The following CCR3 variants were observed in gnomAD, a reference collection of about 807,000 sequenced individuals.
CCR3 encodes the protein C-C chemokine receptor type 3.
For missense variants in CCR3, 419 were observed against 437.5 expected (o/e 0.96, Z 0.38); for synonymous variants, 203 against 179.2 (o/e 1.13, Z -1.06).
intron 2 of CCR3, among the ~76,000 whole-genome samples, chr3:46,225,241 G>A (rs907577233): frequency 2.0e-5 from 3 of 152,174 alleles, no homozygotes; most frequent in Non-Finnish European, 4.4e-5. Context: ...GAAGTGCTAG[G>A]GAACATTCTG....
At chr3:46,233,811 T>C (rs1359935204) in intron 2 of CCR3, among the ~76,000 whole-genome samples, 2 of 152,224 alleles carry the variant, frequency 1.3e-5, no homozygotes, top group African/African-American at 4.8e-5. Flanking sequence ...AACAGGCAAC[T>C]CTTCTTCAGA....
chr3:46,246,782 G>C (rs984402493), intron 1 of CCR3, among the ~76,000 whole-genome samples: 7 of 152,026 alleles, frequency 4.6e-5, no homozygotes, highest in African/African-American at 1.7e-4. Flanking sequence ...GAAGTGTTGG[G>C]GTGGCGAAAA....
chr3:46,238,372 C>CT (rs896407005), upstream of CCR3, among the ~76,000 whole-genome samples: 62 of 151,450 alleles, frequency 4.1e-4, no homozygotes, highest in African/African-American at 1.3e-3. Context: ...GCCATCTATA[C>CT]TTTTTTTTTA....
At chr3:46,247,167 G>A (rs995523907) in intron 1 of CCR3, among the ~76,000 whole-genome samples, 5 of 152,072 alleles carry the variant, frequency 3.3e-5, no homozygotes, top group Admixed American at 6.5e-5. Flanking sequence ...GGGATAGCAC[G>A]AGGAGATATC....
upstream of CCR3, among the ~76,000 whole-genome samples, chr3:46,237,739 CTG>C (rs1700038999): frequency 6.6e-6 from 1 of 152,178 alleles, no homozygotes; most frequent in Admixed American, 6.5e-5. Context: ...TTGGCTGTAA[CTG>C]TGTGAATTAT....
At chr3:46,231,410 C>A (rs370864654) in intron 2 of CCR3, among the ~76,000 whole-genome samples, 3 of 152,226 alleles carry the variant, frequency 2.0e-5, no homozygotes, top group East Asian at 3.8e-4. Context: ...GAGATTACAT[C>A]TTCCCACAAT....
intron 1 of CCR3, among the ~76,000 whole-genome samples, chr3:46,260,413 T>A (rs1412063500): frequency 6.6e-6 from 1 of 152,202 alleles, no homozygotes; most frequent in Non-Finnish European, 1.5e-5. Context: ...TATGAACTTG[T>A]AAAATCAAAA....
Position 46,265,189 on chromosome 3 carries a change from T to G in CCR3, c.31T>G (p.Phe11Val). The G allele has an allele frequency of 6.2e-7, 1 of 1,613,820 alleles. No individual in the cohort carries two copies. Among genetic ancestry groups the G allele is most frequent in the Non-Finnish European group, 8.5e-7 (1 of 1,179,798 alleles). Residue 11 changes from phenylalanine (F) to valine (V), a missense_variant, in exon 2 of 2, where the codon TTT becomes GTT. By Grantham distance (50) the Phe-to-Val change is conservative. Coordinates refer to ENST00000395940, the MANE Select transcript of CCR3 (RefSeq NM_178329.3). MTTSLDTVET[F>V]GTTSYYDDVG... ...AACCTCACTAGATACAGTTGAGACC[T>G]TTGGTACCACATCCTACTATGATGA...
chr3:46,239,647 G>A (rs1322696065), upstream of CCR3, among the ~76,000 whole-genome samples: 1 of 152,204 alleles, frequency 6.6e-6, no homozygotes, highest in Admixed American at 6.5e-5. Context: ...TTAGTCATGT[G>A]TGAGCTTGGA....
At chr3:46,223,041 T>G (rs1047484171) in intron 2 of CCR3, among the ~76,000 whole-genome samples, 1 of 152,192 alleles carries the variant, frequency 6.6e-6, no homozygotes, top group Non-Finnish European at 1.5e-5. Flanking sequence ...ACACTTACAG[T>G]CTTGCATGCC....
chr3:46,233,307 C>T (rs1699987285), intron 2 of CCR3, among the ~76,000 whole-genome samples: 1 of 152,244 alleles, frequency 6.6e-6, no homozygotes, highest in Admixed American at 6.5e-5. Flanking sequence ...CCCCACATTT[C>T]TGGCCCTGGT....
intron 1 of CCR3, among the ~76,000 whole-genome samples, chr3:46,246,879 T>A (rs13081325): frequency 6.6e-6 from 1 of 151,112 alleles, no homozygotes; most frequent in Admixed American, 6.6e-5. Flanking sequence ...GAACCTAGAG[T>A]GGGAGAGATT....
intron 1 of CCR3, among the ~76,000 whole-genome samples, chr3:46,257,127 T>C (rs1258018290): frequency 2.0e-5 from 3 of 152,316 alleles, no homozygotes; most frequent in East Asian, 1.9e-4. Flanking sequence ...GCATAGTGAA[T>C]TGGCACTAGG....
rs777468621 is a variant in CCR3 at position 46,265,721 on chromosome 3, C to G, written c.563C>G (p.Pro188Arg). ...FEETLCSALY[P>R]EDTVYSWRHF... is the part of the protein sequence containing the mutation. ...GAGACTCTTTGCAGTGCTCTTTACC[C>G]AGAGGATACAGTATATAGCTGGAGG... The change falls in exon 2 of 2, where the codon CCA becomes CGA. Residue 188 changes from proline (P) to arginine (R), a missense_variant. Transcript: ENST00000395940. 1.9e-6 allele frequency: 3 copies of G among 1,613,802 alleles called. No individual in the cohort carries two copies. Among genetic ancestry groups the G allele is most frequent in the Non-Finnish European group, 2.5e-6 (3 of 1,179,978 alleles).
chr3:46,265,287 G>C lies in CCR3; in HGVS notation c.129G>C (p.Leu43=). ...MAQFVPPLYS[L]VFTVGLLGNV... Reference sequence around the variant, plus strand: ...AGTTTGTGCCCCCGCTGTACTCCCTGGTGTTCACTGTGGGCCTCTTGGGCA... The same window carrying C: ...AGTTTGTGCCCCCGCTGTACTCCCTCGTGTTCACTGTGGGCCTCTTGGGCA... Residue 43 remains leucine (L), a synonymous_variant, in exon 2 of 2, where the codon CTG becomes CTC. Transcript: ENST00000395940. The C allele has an allele frequency of 6.2e-7, 1 of 1,614,046 alleles. No homozygotes were observed. The highest frequency in any genetic ancestry group is 8.5e-7 in the Non-Finnish European group (1 of 1,179,992).
At chr3:46,237,669 T>C (rs1443521138), upstream of CCR3, among the ~76,000 whole-genome samples, 2 of 152,240 alleles carry the variant, frequency 1.3e-5, no homozygotes, top group Non-Finnish European at 2.9e-5. Context: ...CCCAGCAGCA[T>C]GTATTGAAGA....
At chr3:46,224,189 A>T (rs1699867393) in intron 2 of CCR3, among the ~76,000 whole-genome samples, 2 of 152,224 alleles carry the variant, frequency 1.3e-5, no homozygotes, top group Admixed American at 1.3e-4. Context: ...ATCACTAATC[A>T]TTTGAGAAAT....
intron 1 of CCR3, among the ~76,000 whole-genome samples, chr3:46,261,881 G>A (rs1700531312): frequency 6.6e-6 from 1 of 152,186 alleles, no homozygotes; most frequent in Non-Finnish European, 1.5e-5. Flanking sequence ...AACAGAGAGG[G>A]CTCTCCATTC....
At chr3:46,254,439 TA>T (rs1295863451) in intron 1 of CCR3, among the ~76,000 whole-genome samples, 2 of 122,958 alleles carry the variant, frequency 1.6e-5, no homozygotes, top group African/African-American at 7.1e-5. Flanking sequence ...GCATAGTTTA[TA>T]AAGCATAAAG....
Sources: allele counts gnomAD v4.1 joint callset (sites outside exome capture counted in the v4.1 genomes callset), GRCh38; gene constraint gnomAD v4.1.1; transcripts MANE v1.5; gene names NCBI Gene and HGNC (gene_info 2026-07-23, HGNC 2026-07-21).